GRP: variants seen among roughly 807,000 people sequenced by gnomAD.
GRP encodes the protein gastrin releasing peptide.
A neutral mutation model predicts 12.7 loss-of-function variants in GRP; 11 were observed. The ratio of observed to expected loss-of-function variants is 0.87; its 90% confidence interval spans 0.55 to 1.44. The LOEUF is 1.44. Ranked by LOEUF, GRP falls within the 40% of genes most tolerant of loss-of-function variation. The pLI is 0.00. For synonymous variants in GRP, 84 were observed against 77.7 expected (o/e 1.08, Z -0.43); for missense variants, 212 against 185.4 (o/e 1.14, Z -0.83).
chr18:59,220,492 T>C (rs1355601802), intron 1 of GRP, 88 bp downstream of exon 1: 4 of 1,183,902 alleles, frequency 3.4e-6, no homozygotes, highest in Non-Finnish European at 4.4e-6. Context: ...TCTTTGCGTT[T>C]CCCTGGCCCA....
intron 2 of GRP, among the ~76,000 whole-genome samples, chr18:59,227,854 A>G (rs1334453109): frequency 3.9e-5 from 6 of 152,232 alleles, no homozygotes; most frequent in Admixed American, 2.0e-4. Flanking sequence ...AACAGCAAAA[A>G]GAATAGCTCC....
chr18:59,219,999 T>G (rs993254702), upstream of GRP, among the ~76,000 whole-genome samples: 5 of 152,168 alleles, frequency 3.3e-5, no homozygotes, highest in East Asian at 9.7e-4. Context: ...CTCAGCCTTT[T>G]CATCACTCGG....
At chr18:59,226,280 A>T (rs2069919536) in intron 2 of GRP, among the ~76,000 whole-genome samples, 1 of 152,192 alleles carries the variant, frequency 6.6e-6, no homozygotes, top group Non-Finnish European at 1.5e-5. Context: ...GATTTTATAG[A>T]GGATAGGGGA....
At chr18:59,221,994 C>A (rs1202658533) in intron 1 of GRP, among the ~76,000 whole-genome samples, 2 of 152,100 alleles carry the variant, frequency 1.3e-5, no homozygotes, top group East Asian at 3.9e-4. Context: ...GGATGCTTAG[C>A]AGGTGTTGAA....
At chr18:59,226,550 C>A (rs72956175) in intron 2 of GRP, among the ~76,000 whole-genome samples, 5 of 152,100 alleles carry the variant, frequency 3.3e-5, no homozygotes, top group Non-Finnish European at 7.4e-5. Flanking sequence ...AAGTCTTAGA[C>A]GGAAGATTCT....
chr18:59,228,088 A>G (rs1335999831), intron 2 of GRP, among the ~76,000 whole-genome samples: 1 of 152,248 alleles, frequency 6.6e-6, no homozygotes, highest in Admixed American at 6.5e-5. Context: ...TTGAATAATT[A>G]GTTATCGCAC....
chr18:59,222,674 A>G, intron 1 of GRP, among the ~76,000 whole-genome samples: 1 of 152,218 alleles, frequency 6.6e-6, no homozygotes, highest in Admixed American at 6.5e-5. Context: ...TTTTAATTAT[A>G]TAAAACCAAA....
chr18:59,225,759 G>A, intron 2 of GRP, 25 bp downstream of exon 2: 1 of 1,607,928 alleles, frequency 6.2e-7, no homozygotes, highest in African/African-American at 1.3e-5. Context: ...CATGCAAGAT[G>A]GGGTGGGAGG....
chr18:59,227,068 T>TC (rs2069952913), intron 2 of GRP, among the ~76,000 whole-genome samples: 7 of 148,028 alleles, frequency 4.7e-5, no homozygotes, highest in East Asian at 1.9e-4. Flanking sequence ...TTTCTTTCTT[T>TC]TCTTTCCTTT....
chr18:59,228,776 A>G (rs1485963761), intron 2 of GRP, among the ~76,000 whole-genome samples: 1 of 152,202 alleles, frequency 6.6e-6, no homozygotes, highest in Non-Finnish European at 1.5e-5. Flanking sequence ...CTGCAACATG[A>G]AACTCATCCC....
chr18:59,230,542 A>T lies in GRP; in HGVS notation c.*74A>T. On this transcript the variant is annotated 3_prime_UTR_variant, in exon 3 of 3. Transcript: ENST00000256857. ...CGTTCTGCAAGCATCAGTTCTACGGATCATCAACAAGATTTCCTTGTGCAA... is the reference window on the plus strand; with the variant it reads ...CGTTCTGCAAGCATCAGTTCTACGGTTCATCAACAAGATTTCCTTGTGCAA... 1.2e-6 allele frequency: 1 copy of T among 825,014 alleles called. No homozygotes were observed. Among genetic ancestry groups the T allele is most frequent in the Non-Finnish European group, 2.1e-6 (1 of 467,486 alleles). 51.1% of individuals were successfully genotyped at this position (825,014 alleles called of 1,614,324 possible).
upstream of GRP, among the ~76,000 whole-genome samples, chr18:59,219,994 C>T (rs909125408): frequency 2.6e-5 from 4 of 152,190 alleles, no homozygotes; most frequent in African/African-American, 9.6e-5. Context: ...GTACACTCAG[C>T]CTTTTCATCA....
At position 59,230,416 on chromosome 18, in the gene GRP, C is replaced by G; in HGVS notation, c.395C>G (p.Ser132Cys). ...VGSKGKVGRL[S>C]APGSQREGRN... is the part of the protein sequence containing the mutation. Reference sequence around the variant, plus strand: ...AATATTTCTTAAGTTGGTAGACTCTCTGCTCCAGGTTCTCAACGTGAAGGA... The same window carrying G: ...AATATTTCTTAAGTTGGTAGACTCTGTGCTCCAGGTTCTCAACGTGAAGGA... The change falls in exon 3 of 3, where the codon TCT becomes TGT. Residue 132 changes from serine (S) to cysteine (C), a missense_variant. Transcript: ENST00000256857. 1 of 1,582,878 alleles carries G rather than the reference C, an allele frequency of 6.3e-7. No homozygotes were observed. Among genetic ancestry groups the G allele is most frequent in the Non-Finnish European group, 8.7e-7 (1 of 1,151,524 alleles).
upstream of GRP, among the ~76,000 whole-genome samples, chr18:59,219,534 G>A (rs2069793491): frequency 1.7e-5 from 1 of 58,570 alleles, no homozygotes; most frequent in Admixed American, 1.3e-4. Flanking sequence ...GAGGGGAGAG[G>A]AGGGGAAGGG....
Position 59,221,045 on chromosome 18 carries a change from C to T in GRP, c.139+641C>T, listed in dbSNP as rs530082242. Among the ~76,000 whole-genome samples, 16 of 152,376 alleles carry T rather than the reference C, an allele frequency of 1.1e-4. No homozygotes were observed. The East Asian group carries it at 2.9e-3, about 28-fold the overall frequency. Reference sequence around the variant, plus strand: ...CTTTGCAGCGATATTCTTTTCCCTGCCCTTTTGCCCTCCCTCTTTCCAGCC... The same window carrying T: ...CTTTGCAGCGATATTCTTTTCCCTGTCCTTTTGCCCTCCCTCTTTCCAGCC... On this transcript the variant is annotated intron_variant, in intron 1 of 2. Coordinates refer to ENST00000256857, the MANE Select transcript of GRP (RefSeq NM_002091.5).
In GRP at chr18:59,220,225, C is replaced by T. The variant is rs1362921910; in HGVS notation, c.-41C>T. 2.1e-6 allele frequency: 3 copies of T among 1,414,596 alleles called. No individual in the cohort carries two copies. Among genetic ancestry groups the T allele is most frequent in the South Asian group, 3.0e-5 (2 of 67,778 alleles). 87.6% of individuals were successfully genotyped at this position (1,414,596 alleles called of 1,614,324 possible). ...TCCGGGTCACCAGTCTCTGCTCTTC[C>T]CAGCCTCTCCGGCGCGCTCCAAGGG... On this transcript the variant is annotated 5_prime_UTR_variant, in exon 1 of 3. Coordinates refer to ENST00000256857, the MANE Select transcript of GRP (RefSeq NM_002091.5).
chr18:59,226,996 T>TCTTC (rs1231385260), intron 2 of GRP, among the ~76,000 whole-genome samples: 2 of 32,410 alleles, frequency 6.2e-5, no homozygotes, highest in East Asian at 9.0e-4. Flanking sequence ...TTTCTTCCTT[T>TCTTC]CTTTCTTTCT....
At position 59,220,397 on chromosome 18, in the gene GRP, G is replaced by A; in HGVS notation, c.132G>A (p.Trp44Ter). 2 of 1,382,842 alleles carry A rather than the reference G, an allele frequency of 1.4e-6. No homozygotes were observed. The highest frequency in any genetic ancestry group is 1.6e-5 in the South Asian group (1 of 60,984). The allele number at this position is 1,382,842 out of a possible 1,614,324, so 85.7% of individuals were successfully genotyped here. The change falls in exon 1 of 3, where the codon TGG becomes TGA. Residue 44 changes from tryptophan (W) to a stop codon, truncating the protein, a stop_gained. Coordinates refer to ENST00000256857, the MANE Select transcript of GRP (RefSeq NM_002091.5). LOFTEE classifies it high-confidence loss of function. ...LTKMYPRGNH[W>*]AVGHLMGKKS... is the part of the protein sequence containing the mutation. ...AGATGTACCCGCGCGGCAACCACTG[G>A]GCGGTGGGTGAGTGTCCTGGCCGCG...
chr18:59,230,037 G>A (rs553870018), intron 2 of GRP, among the ~76,000 whole-genome samples: 28 of 152,282 alleles, frequency 1.8e-4, no homozygotes, highest in African/African-American at 6.7e-4. Flanking sequence ...AGTTCCTGGG[G>A]ATAATACATT....
Sources: allele counts gnomAD v4.1 joint callset (sites outside exome capture counted in the v4.1 genomes callset), GRCh38; gene constraint gnomAD v4.1.1; transcripts MANE v1.5; gene names NCBI Gene and HGNC (gene_info 2026-07-23, HGNC 2026-07-21).